RPS29: variants seen among roughly 807,000 people sequenced by gnomAD.
RPS29 encodes ribosomal protein S29.
For missense variants in RPS29, 60 were observed against 75.7 expected (o/e 0.79, Z 0.77); for synonymous variants, 37 against 26.9 (o/e 1.37, Z -1.16).
intron 1 of RPS29, chr14:49,598,326 G>T: frequency 3.2e-6 from 2 of 617,910 alleles, no homozygotes; most frequent in Admixed American, 2.7e-5. Flanking sequence ...TCAAGAGTAC[G>T]AAGGCCTTGT....
chr14:49,571,209 T>C (rs904768227), exon 3 of RPS29: 4 of 152,046 alleles, frequency 2.6e-5, no homozygotes, highest in Non-Finnish European at 1.5e-5. Flanking sequence ...AAGGTGAAAA[T>C]TGGTCAAGAA....
intron 1 of RPS29, among the ~76,000 whole-genome samples, chr14:49,593,652 C>T (rs1296687900): frequency 7.6e-6 from 1 of 131,580 alleles, no homozygotes; most frequent in Non-Finnish European, 1.5e-5. Context: ...GAGATCACGG[C>T]ATCGCACTCC....
intron 1 of RPS29, 77 bp from the exon 2 acceptor site, chr14:49,586,126 C>A (rs1284235284): frequency 3.5e-6 from 5 of 1,435,616 alleles, no homozygotes; most frequent in Non-Finnish European, 4.9e-6. Flanking sequence ...CTACCCGCAT[C>A]CCGGGACTCC....
chr14:49,583,529 A>C, downstream of RPS29: 1 of 893,988 alleles, frequency 1.1e-6, no homozygotes, highest in Admixed American at 3.2e-5. Flanking sequence ...AAAGATTTCT[A>C]TAAACAATTA....
chr14:49,589,201 T>G (rs1394816894), upstream of RPS29, among the ~76,000 whole-genome samples: 1 of 152,182 alleles, frequency 6.6e-6, no homozygotes, highest in Non-Finnish European at 1.5e-5. Flanking sequence ...CTTTTATACA[T>G]GGGTTTGAAA....
At chr14:49,588,628 A>G (rs1267692024), upstream of RPS29, among the ~76,000 whole-genome samples, 1 of 151,808 alleles carries the variant, frequency 6.6e-6, no homozygotes, top group East Asian at 1.9e-4. Flanking sequence ...CCTGGGTTCA[A>G]GGGATTCTCC....
chr14:49,580,772 C>A (rs1011453722), downstream of RPS29, among the ~76,000 whole-genome samples: 1 of 152,096 alleles, frequency 6.6e-6, no homozygotes, highest in African/African-American at 2.4e-5. Flanking sequence ...GTAATCCCAG[C>A]TACCTGGCAG....
chr14:49,589,168 C>T (rs1881660086), upstream of RPS29, among the ~76,000 whole-genome samples: 1 of 152,172 alleles, frequency 6.6e-6, no homozygotes, highest in Non-Finnish European at 1.5e-5. Context: ...GCTGGGATTA[C>T]AGGCGTGAGC....
chr14:49,581,190 C>CA (rs1218006369), downstream of RPS29, among the ~76,000 whole-genome samples: 937 of 144,624 alleles, frequency 6.5e-3, 6 homozygotes, highest in African/African-American at 0.022. Flanking sequence ...AACTCTATCT[C>CA]AAAAAAAAAA....
At chr14:49,573,047 G>A (rs1433590761) in exon 3 of RPS29, 1 of 147,148 alleles carries the variant, frequency 6.8e-6, no homozygotes, top group African/African-American at 2.6e-5. Context: ...CAGCCTGCAT[G>A]ACACAGTGAG....
exon 3 of RPS29, chr14:49,574,925 G>T (rs1375221488): frequency 2.0e-5 from 3 of 152,252 alleles, no homozygotes; most frequent in Admixed American, 2.0e-4. Context: ...GTGTCCTTTG[G>T]ACTCTTAGAA....
chr14:49,598,564 G>C (rs1444441988), exon 1 of RPS29: 3 of 702,322 alleles, frequency 4.3e-6, no homozygotes, highest in Middle Eastern at 2.3e-4. Context: ...GGGCCACTCA[G>C]ACAGTTCTAA....
chr14:49,586,660 G>C, upstream of RPS29: 2 of 394,358 alleles, frequency 5.1e-6, no homozygotes, highest in South Asian at 2.4e-5. Context: ...CAGGAGTTCT[G>C]GGCTGTAGTG....
intron 2 of RPS29, among the ~76,000 whole-genome samples, chr14:49,584,028 C>A (rs1419187603): frequency 1.3e-5 from 2 of 152,142 alleles, no homozygotes; most frequent in Admixed American, 6.6e-5. Context: ...GTCTCCCGGA[C>A]TGGAGTGCAA....
At chr14:49,582,780 A>G (rs1211188155), downstream of RPS29, among the ~76,000 whole-genome samples, 2 of 152,136 alleles carry the variant, frequency 1.3e-5, no homozygotes, top group Non-Finnish European at 2.9e-5. Context: ...AATCCCAAGA[A>G]TTTTCACCTA....
upstream of RPS29, among the ~76,000 whole-genome samples, chr14:49,587,424 A>C (rs1456581013): frequency 1.3e-5 from 2 of 152,266 alleles, no homozygotes; most frequent in African/African-American, 2.4e-5. Flanking sequence ...CAAAGCTTTA[A>C]CTAGATTTAT....
At chr14:49,586,178 C>A (rs1881544703) in intron 1 of RPS29, 107 bp downstream of exon 1, 2 of 1,408,386 alleles carry the variant, frequency 1.4e-6, no homozygotes, top group Non-Finnish European at 2.0e-6. Flanking sequence ...CCAGCGACTC[C>A]CAGTCGGCGT....
intron 1 of RPS29, among the ~76,000 whole-genome samples, chr14:49,596,379 T>A (rs200323550): frequency 1.3e-5 from 2 of 152,302 alleles, no homozygotes; most frequent in East Asian, 3.9e-4. Flanking sequence ...CTCGAGGTAA[T>A]TAAGGATAGA....
upstream of RPS29, among the ~76,000 whole-genome samples, chr14:49,590,211 C>T (rs968670020): frequency 3.3e-5 from 5 of 152,208 alleles, no homozygotes; most frequent in East Asian, 9.6e-4. Flanking sequence ...GGCATGGTGG[C>T]TCACGCCTGT....
Sources: allele counts gnomAD v4.1 joint callset (sites outside exome capture counted in the v4.1 genomes callset), GRCh38; gene constraint gnomAD v4.1.1; transcripts MANE v1.5; gene names NCBI Gene and HGNC (gene_info 2026-07-23, HGNC 2026-07-21).